Variants in DAAM1 observed in about 807,000 individuals in gnomAD.
The protein encoded by DAAM1 is disheveled-associated activator of morphogenesis 1.
Under a neutral mutation model 130.0 loss-of-function variants are expected in DAAM1, and 52 were observed. The ratio of observed to expected loss-of-function variants is 0.40; its 90% CI spans 0.32 to 0.50. DAAM1 has a LOEUF of 0.50. Ranked by LOEUF, DAAM1 falls within the 20% of genes least tolerant of loss-of-function variation. The pLI is 0.61. For synonymous variants in DAAM1, 452 were observed against 444.5 expected (o/e 1.02, Z -0.21); for missense variants, 1,134 against 1,303.8 (o/e 0.87, Z 2.01).
At chr14:59,289,357 G>A (rs2139561182) in intron 2 of DAAM1, among the ~76,000 whole-genome samples, 1 of 152,260 alleles carries the variant, frequency 6.6e-6, no homozygotes, top group African/African-American at 2.4e-5. Flanking sequence ...TTTGACATGA[G>A]ATTTGGGTGG....
intron 3 of DAAM1, among the ~76,000 whole-genome samples, chr14:59,311,293 T>C (rs566228374): frequency 6.6e-6 from 1 of 152,284 alleles, no homozygotes; most frequent in African/African-American, 2.4e-5. Context: ...GTTTTAAAAA[T>C]AGAAATCCAG....
At chr14:59,228,475 G>C (rs763335534) in intron 1 of DAAM1, among the ~76,000 whole-genome samples, 1 of 152,186 alleles carries the variant, frequency 6.6e-6, no homozygotes, top group Non-Finnish European at 1.5e-5. Context: ...ATGGTTCGGA[G>C]TATCACTTGA....
At position 59,369,389 on chromosome 14, in the gene DAAM1, AC is replaced by A. The variant is rs1229240051; in HGVS notation, c.*531del. 2 of 153,054 alleles carry A rather than the reference AC, an allele frequency of 1.3e-5. No individual in the cohort carries two copies. The highest frequency in any genetic ancestry group is 4.8e-5 in the African/African-American group (2 of 41,468). 9.5% of individuals were successfully genotyped at this position (153,054 alleles called of 1,614,324 possible). A position where few individuals can be genotyped will look rare whatever the true frequency, so the allele number is the denominator to read the frequency against. On this transcript the variant is annotated 3_prime_UTR_variant, in exon 25 of 25. Transcript: ENST00000360909. The stretch of plus-strand genomic sequence containing the variant: ...GCTGACATTGTGATGTTGATGTATC[AC>A]ATCAGTAATAGGACCAGCTTTGAAT...
chr14:59,221,022 T>TCTA (rs1359715674), intron 1 of DAAM1, among the ~76,000 whole-genome samples: 1 of 152,158 alleles, frequency 6.6e-6, no homozygotes, highest in Non-Finnish European at 1.5e-5. Flanking sequence ...ATTACACAAG[T>TCTA]CTACCTTGTC....
rs772247632 is a variant in DAAM1 at position 59,368,889 on chromosome 14, T to G, written c.*30T>G. On this transcript the variant is annotated 3_prime_UTR_variant, in exon 25 of 25. Transcript: ENST00000360909. The stretch of plus-strand genomic sequence containing the variant: ...CCATGAATACTTTTTTTTAGAAAGC[T>G]CATTAGCAGCCCTCTAAAGTGACTA... 7.7e-5 allele frequency: 123 copies of G among 1,602,638 alleles called. No individual in the cohort carries two copies. Among genetic ancestry groups the G allele is most frequent in the Non-Finnish European group, 9.6e-5 (113 of 1,172,612 alleles).
chr14:59,234,435 A>G (rs978467032), intron 1 of DAAM1, among the ~76,000 whole-genome samples: 2 of 151,608 alleles, frequency 1.3e-5, no homozygotes, highest in African/African-American at 2.4e-5. Flanking sequence ...CTGCTTGTCT[A>G]TTGGTGTATA....
chr14:59,288,860 A>AGAGAGAGAGAGC (rs1018804753), intron 2 of DAAM1, among the ~76,000 whole-genome samples: 11 of 144,000 alleles, frequency 7.6e-5, no homozygotes, highest in South Asian at 2.3e-4. Flanking sequence ...AGAGAGAGAG[A>AGAGAGAGAGAGC]GCGCGCGAAG....
intron 24 of DAAM1, 118 bp from the exon 25 acceptor site, chr14:59,368,532 T>C (rs1566513922): frequency 1.9e-6 from 2 of 1,028,320 alleles, no homozygotes; most frequent in Non-Finnish European, 2.8e-6. Context: ...AAGGGGGTTA[T>C]AGGATGAGCA....
chr14:59,192,694 A>G (rs1023753491), intron 1 of DAAM1, among the ~76,000 whole-genome samples: 2 of 152,242 alleles, frequency 1.3e-5, no homozygotes, highest in Non-Finnish European at 2.9e-5. Flanking sequence ...ACTTGGTAAT[A>G]GAGGTAATAT....
At chr14:59,357,028 G>A (rs1422703701) in intron 20 of DAAM1, among the ~76,000 whole-genome samples, 2 of 152,198 alleles carry the variant, frequency 1.3e-5, no homozygotes, top group East Asian at 3.9e-4. Context: ...CAGGAAGGGT[G>A]CATTCACTCA....
intron 1 of DAAM1, among the ~76,000 whole-genome samples, chr14:59,219,973 A>G (rs930278575): frequency 2.6e-5 from 4 of 152,200 alleles, no homozygotes; most frequent in African/African-American, 4.8e-5. Context: ...TTTGAATTCA[A>G]GAGTGGTTCC....
At chr14:59,275,155 T>G (rs892231825) in intron 2 of DAAM1, among the ~76,000 whole-genome samples, 1 of 152,192 alleles carries the variant, frequency 6.6e-6, no homozygotes, top group African/African-American at 2.4e-5. Flanking sequence ...CACAGGGACT[T>G]AGGGTACCTT....
In DAAM1 at chr14:59,369,761, A is replaced by AAAAAAAAAAAAAAAAAAAT; in HGVS notation, c.*918_*919insAATAAAAAAAAAAAAAAAA. 6.7e-6 allele frequency: 1 copy of AAAAAAAAAAAAAAAAAAAT among 150,262 alleles called. No homozygotes were observed. The highest frequency in any genetic ancestry group is 1.5e-5 in the Non-Finnish European group (1 of 67,438). 9.3% of individuals were successfully genotyped at this position (150,262 alleles called of 1,614,324 possible). A position where few individuals can be genotyped will look rare whatever the true frequency, so the allele number is the denominator to read the frequency against. ...GAAGGGATAAAGATTACTAAAAAAA[A>AAAAAAAAAAAAAAAAAAAT]AAAAAAAAAAAAAAAATTAATGGGG... On this transcript the variant is annotated 3_prime_UTR_variant, in exon 25 of 25. Transcript: ENST00000360909.
At position 59,342,402 on chromosome 14, in the gene DAAM1, T is replaced by C. The variant is rs144188926; in HGVS notation, c.2075+2222T>C. On this transcript the variant is annotated intron_variant, in intron 16 of 24. Transcript: ENST00000360909. ...AAAGCACAGAATGACATGTTAAATGTGGTACAAGTGAAAAAATTAGGCAGA... is the reference window on the plus strand; with the variant it reads ...AAAGCACAGAATGACATGTTAAATGCGGTACAAGTGAAAAAATTAGGCAGA... Among the ~76,000 whole-genome samples, 369 of 152,320 alleles carry C rather than the reference T, an allele frequency of 2.4e-3. 1 individual carries two copies. Among genetic ancestry groups the C allele is most frequent in the African/African-American group, 8.4e-3 (348 of 41,570 alleles).
intron 4 of DAAM1, among the ~76,000 whole-genome samples, chr14:59,318,145 C>T (rs1884862361): frequency 6.6e-6 from 1 of 151,848 alleles, no homozygotes; most frequent in African/African-American, 2.4e-5. Context: ...TGTGGCCTAA[C>T]ATCTAGAAGG....
At chr14:59,291,920 A>G (rs952434912) in intron 3 of DAAM1, among the ~76,000 whole-genome samples, 9 of 152,272 alleles carry the variant, frequency 5.9e-5, no homozygotes, top group African/African-American at 2.2e-4. Flanking sequence ...TTTAAGATCT[A>G]GGGGTTCTAT....
intron 16 of DAAM1, among the ~76,000 whole-genome samples, chr14:59,341,943 G>T (rs1356463416): frequency 6.6e-6 from 1 of 152,108 alleles, no homozygotes; most frequent in African/African-American, 2.4e-5. Context: ...CTTATTGACA[G>T]ATTATTCAGT....
At chr14:59,230,014 T>C (rs1420495600) in intron 1 of DAAM1, among the ~76,000 whole-genome samples, 1 of 152,212 alleles carries the variant, frequency 6.6e-6, no homozygotes, top group African/African-American at 2.4e-5. Context: ...GCATAAACCT[T>C]AGCTGATTTT....
intron 1 of DAAM1, among the ~76,000 whole-genome samples, chr14:59,201,974 C>T (rs938787743): frequency 6.6e-6 from 1 of 152,102 alleles, no homozygotes; most frequent in African/African-American, 2.4e-5. Flanking sequence ...GCAGGTTTTA[C>T]TGAAAAACCT....
Sources: gnomAD v4.1 joint callset for allele counts (sites outside exome capture counted in the v4.1 genomes callset) on GRCh38, gnomAD v4.1.1 for gene constraint, MANE v1.5 for transcripts, NCBI Gene and HGNC (gene_info 2026-07-23, HGNC 2026-07-21) for gene names.